LTBP1: variants seen among roughly 807,000 people sequenced by gnomAD.
LTBP1 encodes latent-transforming growth factor beta-binding protein 1.
LTBP1 carries 129 observed loss-of-function variants against 207.6 expected under a neutral mutation model. That is an observed-to-expected ratio of 0.62 (90% CI 0.54 to 0.72). The LOEUF (loss-of-function observed/expected upper bound fraction) is 0.72, where lower values mean the gene tolerates loss of function less well. LTBP1 is among the 30% of genes least tolerant of loss of function. The pLI, the probability that LTBP1 is intolerant of heterozygous loss-of-function variation, is 0.00. For missense variants in LTBP1, 2,281 were observed against 2,217.2 expected, an observed-to-expected ratio of 1.03 and a Z score of -0.58; for synonymous variants, 963 against 833.7, an observed-to-expected ratio of 1.16 and a Z score of -2.67.
intron 13 of LTBP1, among the ~76,000 whole-genome samples, chr2:33,260,954 G>A (rs774771388): frequency 2.8e-4 from 42 of 152,230 alleles, no homozygotes; most frequent in African/African-American, 8.7e-4. Flanking sequence ...GAGATAGTAC[G>A]AAAAATGCAA....
At chr2:33,376,385 A>G (rs2095140099) in intron 31 of LTBP1, among the ~76,000 whole-genome samples, 1 of 152,232 alleles carries the variant, frequency 6.6e-6, no homozygotes, top group Non-Finnish European at 1.5e-5. Flanking sequence ...TAACATTCTA[A>G]GCTTAATTAA....
chr2:33,153,983 C>T (rs2083752433), intron 5 of LTBP1, among the ~76,000 whole-genome samples: 1 of 152,174 alleles, frequency 6.6e-6, no homozygotes, highest in South Asian at 2.1e-4. Flanking sequence ...GGTTTATGTT[C>T]CTCTACCTCA....
At chr2:33,157,859 A>G (rs1314758926) in intron 5 of LTBP1, among the ~76,000 whole-genome samples, 2 of 152,144 alleles carry the variant, frequency 1.3e-5, no homozygotes, top group Non-Finnish European at 2.9e-5. Context: ...GAGAAAATAT[A>G]GGCCACATGC....
At chr2:33,285,990 A>G (rs1454823731) in intron 19 of LTBP1, 1 of 152,152 alleles carries the variant, frequency 6.6e-6, no homozygotes, top group Non-Finnish European at 1.5e-5. Context: ...ATGTTCAGGC[A>G]TCTATAATAA....
At chr2:33,100,779 G>A (rs1558637048) in intron 3 of LTBP1, among the ~76,000 whole-genome samples, 1 of 152,050 alleles carries the variant, frequency 6.6e-6, no homozygotes, top group Non-Finnish European at 1.5e-5. Flanking sequence ...TCATAGAAGT[G>A]GAATCAAATC....
At position 32,947,763 on chromosome 2, in the gene LTBP1, A is replaced by C; in HGVS notation, c.439A>C (p.Thr147Pro). 1 of 1,520,550 alleles carries C rather than the reference A, an allele frequency of 6.6e-7. No homozygotes were observed. Among genetic ancestry groups the C allele is most frequent in the Non-Finnish European group, 8.8e-7 (1 of 1,132,824 alleles). The allele number at this position is 1,520,550 out of a possible 1,614,324, so 94.2% of individuals were successfully genotyped here. A position where few individuals can be genotyped will look rare whatever the true frequency, so the allele number is the denominator to read the frequency against. ...TGTGCGCTCCAAGGTGCCGCAGGAG[A>C]CCCAGAGCGGCGGAGGCTCTAGGCT... Reference protein sequence around the residue: ...QVVRSKVPQETQSGGGSRLQV... With the variant: ...QVVRSKVPQEPQSGGGSRLQV... Residue 147 changes from threonine to proline, a missense_variant, in exon 1 of 34, where the codon ACC (threonine) becomes CCC (proline). Thr to Pro is a conservative substitution (Grantham distance 38, BLOSUM62 -1). Transcript: ENST00000404816.
At chr2:33,084,343 T>C (rs1478573471) in intron 3 of LTBP1, among the ~76,000 whole-genome samples, 2 of 152,132 alleles carry the variant, frequency 1.3e-5, no homozygotes, top group Non-Finnish European at 2.9e-5. Flanking sequence ...AAAGAGGCTT[T>C]GAAGTTGTGA....
chr2:33,318,256 C>G (rs1422961594), intron 24 of LTBP1, among the ~76,000 whole-genome samples: 1 of 152,150 alleles, frequency 6.6e-6, no homozygotes, highest in Non-Finnish European at 1.5e-5. Flanking sequence ...AGGAGAAACA[C>G]CGTGGTTCTC....
At chr2:33,058,828 C>T (rs552923396) in intron 3 of LTBP1, among the ~76,000 whole-genome samples, 10 of 152,122 alleles carry the variant, frequency 6.6e-5, no homozygotes, top group South Asian at 2.1e-4. Flanking sequence ...CTATAAATGT[C>T]GCAGGAGAAA....
rs759366352 is a variant in LTBP1, at chr2:32,947,669, C to T, written c.345C>T (p.Gly115=). The change falls in exon 1 of 34, where the codon GGC becomes GGT. Residue 115 remains glycine (G), a synonymous_variant. Transcript: ENST00000404816. ...PPEPARPAVP[G]GQLHPNPGGH... ...AGCCTGCGCGTCCCGCGGTCCCCGGCGGGCAGCTCCACCCCAATCCCGGCG... is the reference window on the plus strand; with the variant it reads ...AGCCTGCGCGTCCCGCGGTCCCCGGTGGGCAGCTCCACCCCAATCCCGGCG... 32 of 1,443,702 alleles carry T rather than the reference C, an allele frequency of 2.2e-5. No individual in the cohort carries two copies. In the East Asian group the frequency reaches 4.9e-4, roughly 22 times the overall value. 89.4% of individuals were successfully genotyped at this position (1,443,702 alleles called of 1,614,324 possible). A position where few individuals can be genotyped will look rare whatever the true frequency, so the allele number is the denominator to read the frequency against.
chr2:33,177,986 A>G (rs1341792678), intron 5 of LTBP1, among the ~76,000 whole-genome samples: 1 of 152,206 alleles, frequency 6.6e-6, no homozygotes, highest in African/African-American at 2.4e-5. Flanking sequence ...ACCCCCTGCA[A>G]GTGTTTCTGA....
At chr2:33,289,484 C>G (rs1204330932) in intron 19 of LTBP1, among the ~76,000 whole-genome samples, 1 of 152,040 alleles carries the variant, frequency 6.6e-6, no homozygotes, top group Non-Finnish European at 1.5e-5. Context: ...CTCAGCCTCC[C>G]AAGTAGCTGG....
intron 3 of LTBP1, among the ~76,000 whole-genome samples, chr2:33,076,593 G>A (rs912561528): frequency 2.0e-5 from 3 of 151,634 alleles, no homozygotes; most frequent in African/African-American, 4.9e-5. Context: ...CTGGAGTGCA[G>A]TGGCGTGATC....
chr2:33,078,573 A>G (rs2078207582), intron 3 of LTBP1, among the ~76,000 whole-genome samples: 1 of 152,232 alleles, frequency 6.6e-6, no homozygotes, highest in South Asian at 2.1e-4. Context: ...CATTGTTTAT[A>G]TGGACGATTA....
At chr2:32,960,510 TC>T (rs749174744) in intron 2 of LTBP1, among the ~76,000 whole-genome samples, 3 of 152,228 alleles carry the variant, frequency 2.0e-5, no homozygotes, top group Non-Finnish European at 2.9e-5. Flanking sequence ...GATGACTTTT[TC>T]TTTCTCCCTG....
chr2:33,125,532 T>TA (rs1023784418), intron 4 of LTBP1, among the ~76,000 whole-genome samples: 3 of 152,104 alleles, frequency 2.0e-5, no homozygotes, highest in Admixed American at 6.6e-5. Context: ...AGTTGCTGCA[T>TA]AAAAAATTAC....
chr2:33,311,532 A>T (rs1325638065), intron 23 of LTBP1, among the ~76,000 whole-genome samples: 1 of 100,306 alleles, frequency 1.0e-5, no homozygotes, highest in Non-Finnish European at 2.1e-5. Context: ...ATACCAAGAG[A>T]TGGAAAAAAA....
At chr2:33,250,728 C>T (rs1261795955) in intron 10 of LTBP1, among the ~76,000 whole-genome samples, 1 of 152,134 alleles carries the variant, frequency 6.6e-6, no homozygotes. Flanking sequence ...ATGCTGGGTC[C>T]CACACACACC....
At chr2:32,965,966 T>C (rs921863500) in intron 2 of LTBP1, among the ~76,000 whole-genome samples, 1 of 152,228 alleles carries the variant, frequency 6.6e-6, no homozygotes, top group African/African-American at 2.4e-5. Context: ...TGAGAGTTCC[T>C]ATTGTTCCAC....
Sources: allele counts gnomAD v4.1 joint callset (sites outside exome capture counted in the v4.1 genomes callset), GRCh38; gene constraint gnomAD v4.1.1; transcripts MANE v1.5; gene names NCBI Gene and HGNC (gene_info 2026-07-23, HGNC 2026-07-21).